ACOXL: variants seen among roughly 807,000 people sequenced by gnomAD.
ACOXL encodes the protein acyl-coenzyme A oxidase-like protein.
ACOXL carries 70 observed loss-of-function variants against 71.9 expected under a neutral mutation model. That is an observed-to-expected ratio of 0.97 (90% CI 0.80 to 1.19). ACOXL has a LOEUF of 1.19. Among genes scored for constraint, ACOXL ranks in the 50% most tolerant of loss-of-function variants. The probability of loss-of-function intolerance (pLI) is 0.00; values close to 1 mark genes in which losing one functional copy is unlikely to be tolerated. For synonymous variants in ACOXL, 253 were observed against 281.6 expected (o/e 0.90, Z 1.02); for missense variants, 703 against 736.3 (o/e 0.95, Z 0.52).
At chr2:110,977,187 C>G (rs2062484215) in intron 12 of ACOXL, among the ~76,000 whole-genome samples, 1 of 152,052 alleles carries the variant, frequency 6.6e-6, no homozygotes, top group Non-Finnish European at 1.5e-5. Context: ...GAGATTGAGA[C>G]CATCCTGGCT....
At chr2:110,793,526 GC>G (rs952111322) in intron 3 of ACOXL, 123 bp from the exon 4 acceptor site, 1 of 826,270 alleles carries the variant, frequency 1.2e-6, no homozygotes. Flanking sequence ...CATGCCACTT[GC>G]AGGGCTTAGG....
chr2:110,801,664 T>G lies in ACOXL; in HGVS notation c.560T>G (p.Val187Gly), dbSNP rs1360709272. 1.2e-6 allele frequency: 2 copies of G among 1,614,014 alleles called. No homozygotes were observed. The highest frequency in any genetic ancestry group is 1.3e-5 in the African/African-American group (1 of 74,914). Reference sequence around the variant, plus strand: ...CTATTCTTGCCAGGTCTGCATGGTGTGGACAATGGGATATTAATATTTGAC... The same window carrying G: ...CTATTCTTGCCAGGTCTGCATGGTGGGGACAATGGGATATTAATATTTGAC... Reference protein sequence around the residue: ...DMMYKEGLHGVDNGILIFDKV... With the variant: ...DMMYKEGLHGGDNGILIFDKV... Residue 187 changes from valine to glycine, a missense_variant, in exon 8 of 18, where the codon GTG becomes GGG. Coordinates refer to ENST00000439055, the MANE Select transcript of ACOXL (RefSeq NM_001142807.4).
chr2:111,012,589 A>G (rs1184001384), intron 14 of ACOXL, among the ~76,000 whole-genome samples: 3 of 152,230 alleles, frequency 2.0e-5, no homozygotes, highest in Non-Finnish European at 4.4e-5. Flanking sequence ...GATTAAAGTA[A>G]TGCAGAGTGT....
intron 11 of ACOXL, among the ~76,000 whole-genome samples, chr2:110,924,005 G>C (rs1262152629): frequency 6.6e-6 from 1 of 151,912 alleles, no homozygotes; most frequent in African/African-American, 2.4e-5. Flanking sequence ...TGCAGATTTG[G>C]TTCTAGACCA....
intron 9 of ACOXL, among the ~76,000 whole-genome samples, chr2:110,820,017 T>C (rs1196660552): frequency 6.6e-6 from 1 of 152,190 alleles, no homozygotes; most frequent in African/African-American, 2.4e-5. Context: ...GATATCATTG[T>C]AAGTAAAGTC....
chr2:110,856,882 G>A (rs568436811), intron 10 of ACOXL, among the ~76,000 whole-genome samples: 1 of 152,320 alleles, frequency 6.6e-6, no homozygotes, highest in South Asian at 2.1e-4. Flanking sequence ...TCTTGTATGG[G>A]ATTCCAAGGA....
intron 17 of ACOXL, among the ~76,000 whole-genome samples, chr2:111,113,700 G>A (rs2150087450): frequency 6.6e-6 from 1 of 152,344 alleles, no homozygotes; most frequent in South Asian, 2.1e-4. Flanking sequence ...CAGAATGCCA[G>A]TTATGTGTCA....
chr2:111,073,779 GTC>G (rs2067459183), intron 16 of ACOXL, among the ~76,000 whole-genome samples: 1 of 152,018 alleles, frequency 6.6e-6, no homozygotes, highest in African/African-American at 2.4e-5. Context: ...GAATCATTTT[GTC>G]TCTATCTACA....
intron 1 of ACOXL, among the ~76,000 whole-genome samples, chr2:110,765,693 A>G (rs1045356836): frequency 6.6e-6 from 1 of 152,218 alleles, no homozygotes; most frequent in African/African-American, 2.4e-5. Context: ...ATGTTCTAAC[A>G]TACTGGAAGG....
intron 14 of ACOXL, among the ~76,000 whole-genome samples, chr2:111,003,550 C>CAAAAAAAAAAAAAAAAAAAAAAAAAAA (rs548001377): frequency 5.7e-5 from 2 of 35,336 alleles, no homozygotes; most frequent in East Asian, 6.1e-4. Context: ...GACTCTGTCT[C>CAAAAAAAAAAAAAAAAAAAAAAAAAAA]AAAAAAAAAA....
Position 111,117,647 on chromosome 2 carries a change from A to C in ACOXL, c.1574A>C (p.Asp525Ala). ...LLDLCDSVKD[D>A]ARRVISTFNI... The stretch of plus-strand genomic sequence containing the variant: ...GATTTGTGCGACTCGGTGAAGGATG[A>C]TGCCCGGAGGGTGATCTCGACCTTT... Residue 525 changes from aspartate (D) to alanine (A), a missense_variant, in exon 18 of 18, where the codon GAT (aspartate) becomes GCT (alanine). Transcript: ENST00000439055. 6.4e-7 allele frequency: 1 copy of C among 1,551,754 alleles called. No individual in the cohort carries two copies. Among genetic ancestry groups the C allele is most frequent in the South Asian group, 1.2e-5 (1 of 84,064 alleles).
At chr2:110,828,584 G>A (rs918173360) in intron 9 of ACOXL, among the ~76,000 whole-genome samples, 3 of 152,184 alleles carry the variant, frequency 2.0e-5, no homozygotes, top group Non-Finnish European at 2.9e-5. Context: ...GAGTGTGAGC[G>A]TTGTACTATC....
At chr2:110,980,411 C>G (rs1216747208) in intron 12 of ACOXL, among the ~76,000 whole-genome samples, 1 of 152,130 alleles carries the variant, frequency 6.6e-6, no homozygotes, top group African/African-American at 2.4e-5. Context: ...TCATGTGGTG[C>G]AGGTGTGTGG....
chr2:110,750,198 A>G (rs946060059), intron 1 of ACOXL, among the ~76,000 whole-genome samples: 5 of 150,276 alleles, frequency 3.3e-5, no homozygotes, highest in Non-Finnish European at 4.5e-5. Flanking sequence ...GTTAAGCTCC[A>G]TTTTCTGGAG....
In ACOXL at chr2:110,849,609, T is replaced by C. The variant is rs1237607121; in HGVS notation, c.788+8204T>C. Among the ~76,000 whole-genome samples the C allele has an allele frequency of 2.0e-5, 3 of 152,096 alleles. No individual in the cohort carries two copies. In the East Asian group the frequency reaches 5.8e-4, roughly 29 times the overall value. On this transcript the variant is annotated intron_variant, in intron 10 of 17. Transcript: ENST00000439055. ...CTTGTCTCTACTAAAAGTACAAAAATTAGCCAGGCGTGGTGGCACGTGCTT... is the reference window on the plus strand; with the variant it reads ...CTTGTCTCTACTAAAAGTACAAAAACTAGCCAGGCGTGGTGGCACGTGCTT...
At chr2:111,092,319 G>A (rs960545839) in intron 16 of ACOXL, among the ~76,000 whole-genome samples, 2 of 152,176 alleles carry the variant, frequency 1.3e-5, no homozygotes, top group Admixed American at 1.3e-4. Flanking sequence ...ATTTATTGTT[G>A]CTTGGTGCCC....
chr2:111,077,683 C>T (rs930058805), intron 16 of ACOXL, among the ~76,000 whole-genome samples: 4 of 152,168 alleles, frequency 2.6e-5, no homozygotes, highest in African/African-American at 9.7e-5. Flanking sequence ...TCTGAACGAT[C>T]ATTTACACGA....
At chr2:111,098,150 C>T (rs190633710) in intron 17 of ACOXL, among the ~76,000 whole-genome samples, 460 of 152,240 alleles carry the variant, frequency 3.0e-3, no homozygotes, top group Non-Finnish European at 5.0e-3. Flanking sequence ...AAACCCATAA[C>T]CCAAATCTAA....
At chr2:111,055,228 C>T (rs535350736) in intron 16 of ACOXL, among the ~76,000 whole-genome samples, 33 of 152,242 alleles carry the variant, frequency 2.2e-4, no homozygotes, top group African/African-American at 4.1e-4. Flanking sequence ...GTAAGGTGCT[C>T]GCCACGGCAA....
Sources: gnomAD v4.1 joint callset for allele counts (sites outside exome capture counted in the v4.1 genomes callset) on GRCh38, gnomAD v4.1.1 for gene constraint, MANE v1.5 for transcripts, NCBI Gene and HGNC (gene_info 2026-07-23, HGNC 2026-07-21) for gene names.